MTMR3: variants seen among roughly 807,000 people sequenced by gnomAD.
MTMR3 encodes myotubularin related protein 3, also known as phosphatidylinositol-3,5-bisphosphate 3-phosphatase MTMR3.
Under a neutral mutation model 132.4 loss-of-function variants are expected in MTMR3, and 32 were observed. That is an observed-to-expected ratio of 0.24 (90% CI 0.18 to 0.32). The LOEUF is 0.32. MTMR3 is among the 10% of genes least tolerant of loss of function. The probability of loss-of-function intolerance (pLI) is 1.00; values close to 1 mark genes in which losing one functional copy is unlikely to be tolerated. For missense variants in MTMR3, 1,216 were observed against 1,489.6 expected (o/e 0.82, Z 3.02); for synonymous variants, 556 against 550.3 (o/e 1.01, Z -0.14).
intron 5 of MTMR3, chr22:29,985,217 G>C (rs944490376): frequency 6.6e-6 from 1 of 152,190 alleles, no homozygotes; most frequent in African/African-American, 2.4e-5. Flanking sequence ...AAGGCAATCT[G>C]GACTGGGTGC....
intron 1 of MTMR3, among the ~76,000 whole-genome samples, chr22:29,883,782 C>T (rs936767732): frequency 6.6e-6 from 1 of 152,146 alleles, no homozygotes; most frequent in African/African-American, 2.4e-5. Context: ...CCATCGTTGC[C>T]GGATACTGGA....
chr22:29,987,694 C>T (rs1238289583), intron 5 of MTMR3: 1 of 152,220 alleles, frequency 6.6e-6, no homozygotes. Context: ...TTCTCTCTAT[C>T]TGCTGTTGTA....
intron 12 of MTMR3, chr22:30,009,741 A>T (rs191598417): frequency 6.6e-6 from 1 of 152,368 alleles, no homozygotes; most frequent in East Asian, 1.9e-4. Context: ...TGAATACAAG[A>T]TAAATTAGGA....
intron 2 of MTMR3, among the ~76,000 whole-genome samples, chr22:29,966,224 C>T (rs952123964): frequency 6.6e-6 from 1 of 152,130 alleles, no homozygotes; most frequent in African/African-American, 2.4e-5. Flanking sequence ...CCCATCACCA[C>T]ACACAAAAAC....
In MTMR3 at chr22:29,898,142, A is replaced by G. The variant is rs114498050; in HGVS notation, c.-138+14783A>G. 4.5e-3 allele frequency among the ~76,000 whole-genome samples: 682 copies of G among 152,264 alleles called. 6 individuals are homozygous for G. The highest frequency in any genetic ancestry group is 0.015 in the African/African-American group (644 of 41,560). ...AAGTGTGAGCCACTGCACTTGCCTT[A>G]CTTCATTAATTTTAATAGCTGTATA... is the stretch of plus-strand genomic sequence containing the variant. On this transcript the variant is annotated intron_variant, in intron 1 of 19. Coordinates refer to ENST00000401950, the MANE Select transcript of MTMR3 (RefSeq NM_021090.4).
intron 14 of MTMR3, 82 bp downstream of exon 14, chr22:30,013,623 T>C: frequency 1.5e-6 from 2 of 1,298,702 alleles, no homozygotes; most frequent in Non-Finnish European, 2.1e-6. Context: ...CACATGAAAC[T>C]GTGCTGCCTC....
At chr22:29,946,975 C>T (rs2065965486) in intron 1 of MTMR3, among the ~76,000 whole-genome samples, 1 of 151,956 alleles carries the variant, frequency 6.6e-6, no homozygotes, top group African/African-American at 2.4e-5. Context: ...TAACTATATG[C>T]TTTAGAATAT....
At chr22:29,929,547 T>C (rs1041577800) in intron 1 of MTMR3, among the ~76,000 whole-genome samples, 3 of 151,976 alleles carry the variant, frequency 2.0e-5, no homozygotes, top group Admixed American at 2.0e-4. Context: ...TCTTGCTCTG[T>C]CACCCAGGCT....
intron 1 of MTMR3, among the ~76,000 whole-genome samples, chr22:29,884,403 T>C (rs1300330579): frequency 6.6e-6 from 1 of 152,134 alleles, no homozygotes; most frequent in African/African-American, 2.4e-5. Context: ...GTGAAATGTT[T>C]GTGATTTGTC....
intron 1 of MTMR3, among the ~76,000 whole-genome samples, chr22:29,885,870 AG>A (rs910195845): frequency 6.6e-6 from 1 of 152,146 alleles, no homozygotes; most frequent in African/African-American, 2.4e-5. Context: ...CGTGTTTTAG[AG>A]GGGGGTGTGG....
rs549485313 is a variant in MTMR3, at chr22:29,949,497, C to T, written c.-137-7539C>T. On this transcript the variant is annotated intron_variant, in intron 1 of 19. Coordinates refer to ENST00000401950, the MANE Select transcript of MTMR3 (RefSeq NM_021090.4). ...GGTGATAAAGTAAGACTCTGTCCCC[C>T]GCGCCCCCCCCCAAAAAAAAAAAAC... is the stretch of plus-strand genomic sequence containing the variant. 4.2e-4 allele frequency among the ~76,000 whole-genome samples: 60 copies of T among 142,174 alleles called. No individual in the cohort carries two copies. The South Asian group carries it at 0.013, about 30-fold the overall frequency. 93.3% of individuals were successfully genotyped at this position (142,174 alleles called of 152,430 possible). A position where few individuals can be genotyped will look rare whatever the true frequency, so the allele number is the denominator to read the frequency against.
At chr22:29,939,895 T>C (rs1037237418) in intron 1 of MTMR3, among the ~76,000 whole-genome samples, 1 of 152,178 alleles carries the variant, frequency 6.6e-6, no homozygotes, top group Non-Finnish European at 1.5e-5. Context: ...ACCATTGTAA[T>C]CTGTTCCTGC....
chr22:29,897,564 T>G (rs1364175294), intron 1 of MTMR3, among the ~76,000 whole-genome samples: 1 of 151,994 alleles, frequency 6.6e-6, no homozygotes, highest in Admixed American at 6.6e-5. Context: ...GTGATTCTTG[T>G]GCCTCGGCCT....
chr22:29,948,936 A>T (rs2066002528), intron 1 of MTMR3, among the ~76,000 whole-genome samples: 1 of 151,854 alleles, frequency 6.6e-6, no homozygotes, highest in African/African-American at 2.4e-5. Context: ...ACAAAAAACC[A>T]CAACAGTAAA....
At chr22:29,975,698 C>T (rs1365133911) in intron 3 of MTMR3, among the ~76,000 whole-genome samples, 1 of 152,218 alleles carries the variant, frequency 6.6e-6, no homozygotes, top group African/African-American at 2.4e-5. Flanking sequence ...CAGTGCACCT[C>T]AGGTGCAGGT....
At chr22:29,925,855 C>A (rs1299129757) in intron 1 of MTMR3, among the ~76,000 whole-genome samples, 2 of 152,096 alleles carry the variant, frequency 1.3e-5, no homozygotes, top group Non-Finnish European at 2.9e-5. Context: ...GCGGAGGTTG[C>A]AATGAGCTGA....
intron 5 of MTMR3, chr22:29,980,725 A>C (rs1488623723): frequency 6.6e-6 from 1 of 152,202 alleles, no homozygotes; most frequent in Non-Finnish European, 1.5e-5. Context: ...TTCAGAGACT[A>C]TTTTAGAACT....
chr22:29,915,249 C>T (rs1460830520), intron 1 of MTMR3, among the ~76,000 whole-genome samples: 1 of 152,130 alleles, frequency 6.6e-6, no homozygotes, highest in Non-Finnish European at 1.5e-5. Flanking sequence ...TTTGCCATCC[C>T]CCAGGCTACT....
chr22:29,920,904 C>T (rs2065397570), intron 1 of MTMR3, among the ~76,000 whole-genome samples: 1 of 132,168 alleles, frequency 7.6e-6, no homozygotes, highest in Non-Finnish European at 1.5e-5. Context: ...TTTGTTCATT[C>T]TAAAGACTTT....
Sources: allele counts gnomAD v4.1 joint callset (sites outside exome capture counted in the v4.1 genomes callset), GRCh38; gene constraint gnomAD v4.1.1; transcripts MANE v1.5; gene names NCBI Gene and HGNC (gene_info 2026-07-23, HGNC 2026-07-21).